Variants in KLF12 observed in about 807,000 individuals in gnomAD.
The protein encoded by KLF12 is Krueppel-like factor 12.
A neutral mutation model predicts 37.8 loss-of-function variants in KLF12; 9 were observed. The ratio of observed to expected loss-of-function variants is 0.24; its 90% CI spans 0.14 to 0.42. KLF12 has a LOEUF of 0.42. KLF12 is among the 10% of genes least tolerant of loss of function. KLF12 has a pLI of 1.00. For missense variants in KLF12, 411 were observed against 516.0 expected, an observed-to-expected ratio of 0.80 and a Z score of 1.97; for synonymous variants, 208 against 202.1, an observed-to-expected ratio of 1.03 and a Z score of -0.25.
chr13:74,171,969 G>A, the KLF12 span, among the ~76,000 whole-genome samples: 1 of 152,018 alleles, frequency 6.6e-6, no homozygotes, highest in African/African-American at 2.4e-5. Context: ...CTGATAATTG[G>A]CCCACCATTC....
At chr13:74,283,873 T>TC in the KLF12 span, among the ~76,000 whole-genome samples, 364 of 151,054 alleles carry the variant, frequency 2.4e-3, 3 homozygotes, top group African/African-American at 7.9e-3. Flanking sequence ...TTTTTTTTTT[T>TC]CCCCAAGATA....
the KLF12 span, among the ~76,000 whole-genome samples, chr13:74,283,181 C>T: frequency 6.6e-6 from 1 of 152,184 alleles, no homozygotes; most frequent in South Asian, 2.1e-4. Flanking sequence ...CTTTTCTGAG[C>T]AAATCATCTA....
At chr13:73,968,969 G>A (rs952233011) in intron 2 of KLF12, among the ~76,000 whole-genome samples, 17 of 150,744 alleles carry the variant, frequency 1.1e-4, no homozygotes, top group Admixed American at 1.1e-3. Context: ...TTCCCATAAA[G>A]TGTCTAAGAA....
At chr13:74,205,948 C>T in the KLF12 span, among the ~76,000 whole-genome samples, 2 of 152,034 alleles carry the variant, frequency 1.3e-5, no homozygotes, top group Non-Finnish European at 2.9e-5. Context: ...CTTCCAGTTG[C>T]CTTGGAGGTA....
At chr13:74,012,233 T>C (rs1341076325) in intron 1 of KLF12, among the ~76,000 whole-genome samples, 1 of 152,212 alleles carries the variant, frequency 6.6e-6, no homozygotes, top group Non-Finnish European at 1.5e-5. Context: ...CTTTAGTTCT[T>C]AGAAAATTCT....
the KLF12 span, among the ~76,000 whole-genome samples, chr13:74,221,559 A>T: frequency 6.6e-6 from 1 of 152,206 alleles, no homozygotes; most frequent in Admixed American, 6.5e-5. Flanking sequence ...TAACATAAAA[A>T]TGAAGAAATT....
At chr13:74,253,959 C>T in the KLF12 span, among the ~76,000 whole-genome samples, 570 of 152,228 alleles carry the variant, frequency 3.7e-3, 3 homozygotes, top group Non-Finnish European at 6.3e-3. Flanking sequence ...CTTATTTGAC[C>T]AGGGAGTCTT....
rs952618854 is a variant in KLF12, at chr13:74,022,969, G to A, written c.-31-27916C>T. Among the ~76,000 whole-genome samples the A allele has an allele frequency of 2.0e-5, 3 of 149,210 alleles. No individual in the cohort carries two copies. In the Admixed American group the frequency reaches 2.0e-4, roughly 10 times the overall value. ...ATGGCAGGCTGCATCCCTAACCTCT[G>A]GTGTTGGGGCTCACGCATCAGTAAG... On this transcript the variant is annotated intron_variant, in intron 1 of 7. Coordinates refer to ENST00000377669, the MANE Select transcript of KLF12 (RefSeq NM_007249.5).
chr13:73,863,255 C>T (rs952992062), intron 3 of KLF12, among the ~76,000 whole-genome samples: 27 of 152,076 alleles, frequency 1.8e-4, no homozygotes, highest in African/African-American at 6.3e-4. Context: ...GATAGTAAAA[C>T]TAAATTTCAT....
chr13:74,289,994 A>T, the KLF12 span, among the ~76,000 whole-genome samples: 1 of 152,170 alleles, frequency 6.6e-6, no homozygotes, highest in Non-Finnish European at 1.5e-5. Context: ...CAGTAACAGG[A>T]TACAGGATGA....
intron 1 of KLF12, among the ~76,000 whole-genome samples, chr13:74,034,240 T>G (rs1893189624): frequency 9.3e-6 from 1 of 107,036 alleles, no homozygotes; most frequent in African/African-American, 4.1e-5. Context: ...TTTTTTGTAT[T>G]TTTTTTTTAG....
the KLF12 span, among the ~76,000 whole-genome samples, chr13:74,229,774 C>G: frequency 6.6e-6 from 1 of 152,118 alleles, no homozygotes; most frequent in Admixed American, 6.5e-5. Flanking sequence ...TTTGGAAGGC[C>G]AAAAACCTCA....
At chr13:73,851,846 G>A (rs2325583) in intron 3 of KLF12, among the ~76,000 whole-genome samples, 47,016 of 151,950 alleles carry the variant, frequency 0.31, 7,618 homozygotes, top group East Asian at 0.43. Flanking sequence ...TTTAGGTTAC[G>A]CTGCATTATT....
At chr13:74,086,835 CTTACA>C (rs1259026895) in intron 1 of KLF12, among the ~76,000 whole-genome samples, 7 of 152,196 alleles carry the variant, frequency 4.6e-5, no homozygotes, top group East Asian at 3.9e-4. Context: ...GTCCTCTGTT[CTTACA>C]TTAAAGTAAG....
chr13:73,819,393 C>T (rs1409856971), intron 4 of KLF12, among the ~76,000 whole-genome samples: 2 of 152,208 alleles, frequency 1.3e-5, no homozygotes, highest in Non-Finnish European at 2.9e-5. Context: ...AAATCTCTCA[C>T]CATCTCCTGG....
intron 4 of KLF12, among the ~76,000 whole-genome samples, chr13:73,831,961 C>T (rs1217766082): frequency 6.6e-6 from 1 of 152,140 alleles, no homozygotes; most frequent in Admixed American, 6.5e-5. Context: ...ACTTATTTTT[C>T]TTTGCATTTT....
At chr13:74,029,234 T>C (rs1222933640) in intron 1 of KLF12, among the ~76,000 whole-genome samples, 1 of 152,132 alleles carries the variant, frequency 6.6e-6, no homozygotes, top group East Asian at 1.9e-4. Context: ...TTATAAATCA[T>C]ATAAAACCAG....
At chr13:73,747,731 A>C (rs564525876) in intron 6 of KLF12, among the ~76,000 whole-genome samples, 55 of 152,328 alleles carry the variant, frequency 3.6e-4, no homozygotes, top group Non-Finnish European at 5.9e-5. Flanking sequence ...CCCATTTTAC[A>C]GATTAGGAAC....
chr13:74,017,862 A>G (rs1215099993), intron 1 of KLF12, among the ~76,000 whole-genome samples: 2 of 152,122 alleles, frequency 1.3e-5, no homozygotes, highest in Non-Finnish European at 2.9e-5. Context: ...GGGATGAACT[A>G]AAGAAAGGGG....
Sources: allele counts gnomAD v4.1 joint callset (sites outside exome capture counted in the v4.1 genomes callset), GRCh38; gene constraint gnomAD v4.1.1; transcripts MANE v1.5; gene names NCBI Gene and HGNC (gene_info 2026-07-23, HGNC 2026-07-21).